Variants in FAM167A observed in about 807,000 individuals in gnomAD.
FAM167A encodes the protein family with sequence similarity 167 member A, also known as protein FAM167A.
In FAM167A, 23 loss-of-function variants were observed where a neutral mutation model predicts 14.9. That is an observed-to-expected ratio of 1.55 (90% CI 1.11 to 2.19). The LOEUF (loss-of-function observed/expected upper bound fraction) is 2.19, where lower values mean the gene tolerates loss of function less well. FAM167A is among the 30% of genes most tolerant of loss of function. The pLI is 0.00. For missense variants in FAM167A, 401 were observed against 281.5 expected (o/e 1.42, Z -3.04); for synonymous variants, 174 against 117.7 (o/e 1.48, Z -3.10).
At chr8:11,435,920 A>G (rs67909842) in intron 2 of FAM167A, among the ~76,000 whole-genome samples, 21,567 of 152,272 alleles carry the variant, frequency 0.14, 2,017 homozygotes, top group Non-Finnish European at 0.21. Context: ...TCCCGTCTTC[A>G]TACACAGAAC....
chr8:11,423,731 G>C lies in FAM167A; in HGVS notation c.*642C>G, dbSNP rs1804928935. Reference sequence around the variant, plus strand: ...GCTAGTGCCCCCATCACATGTCCCAGCACACGCCAGAATTTACAATTTACA... The same window carrying C: ...GCTAGTGCCCCCATCACATGTCCCACCACACGCCAGAATTTACAATTTACA... On this transcript the variant is annotated 3_prime_UTR_variant, in exon 3 of 3. Coordinates refer to ENST00000284486, the MANE Select transcript of FAM167A (RefSeq NM_053279.3). 1 of 153,364 alleles carries C rather than the reference G, an allele frequency of 6.5e-6. No individual in the cohort carries two copies. The highest frequency in any genetic ancestry group is 1.5e-5 in the Non-Finnish European group (1 of 68,954). 9.5% of individuals were successfully genotyped at this position (153,364 alleles called of 1,614,324 possible).
At chr8:11,451,998 T>G (rs4841540) in intron 1 of FAM167A, among the ~76,000 whole-genome samples, 132,189 of 152,160 alleles carry the variant, frequency 0.87, 57,913 homozygotes, top group African/African-American at 0.97. Context: ...ACTCATTTGG[T>G]GAGGAAAATA....
chr8:11,475,664 C>G (rs544652987), intron 1 of FAM167A, among the ~76,000 whole-genome samples: 1 of 152,296 alleles, frequency 6.6e-6, no homozygotes, highest in East Asian at 1.9e-4. Flanking sequence ...ACAAACATAT[C>G]CAGTACCAAT....
intron 2 of FAM167A, among the ~76,000 whole-genome samples, chr8:11,440,306 G>C (rs1189359638): frequency 6.6e-6 from 1 of 152,230 alleles, no homozygotes; most frequent in Non-Finnish European, 1.5e-5. Flanking sequence ...GAGGCTTGGA[G>C]GATCTCCATC....
chr8:11,461,347 C>A (rs143427871), intron 1 of FAM167A, among the ~76,000 whole-genome samples: 1 of 152,386 alleles, frequency 6.6e-6, no homozygotes, highest in Middle Eastern at 3.4e-3. Context: ...TCCCGGGAAA[C>A]GCTCGACAAG....
chr8:11,444,226 C>A lies in FAM167A; in HGVS notation c.186G>T (p.Arg62Ser), dbSNP rs746858234. ...AGCTCGCCTGTGGCTCCGCAGCCGG[C>A]CTCGGGAAGGGCCAGGTATGCTCCT... Reference protein sequence around the residue: ...RLEEHTWPFPRPAAEPQASLE... With the variant: ...RLEEHTWPFPSPAAEPQASLE... Residue 62 changes from arginine (R) to serine (S), a missense_variant, in exon 2 of 3, where the codon AGG (arginine) becomes AGT (serine). Transcript: ENST00000284486. 6.2e-7 allele frequency: 1 copy of A among 1,612,244 alleles called. No individual in the cohort carries two copies. Among genetic ancestry groups the A allele is most frequent in the Non-Finnish European group, 8.5e-7 (1 of 1,179,802 alleles).
At chr8:11,445,340 G>A (rs1806717733) in intron 1 of FAM167A, 9 of 986,092 alleles carry the variant, frequency 9.1e-6, no homozygotes, top group Admixed American at 1.2e-4. Flanking sequence ...CCCACCACAG[G>A]TCCTGTCCTC....
At chr8:11,427,309 G>A (rs1805240354) in intron 2 of FAM167A, among the ~76,000 whole-genome samples, 1 of 152,172 alleles carries the variant, frequency 6.6e-6, no homozygotes, top group African/African-American at 2.4e-5. Flanking sequence ...TTTCTCAGTT[G>A]TGACATGGTA....
At chr8:11,438,314 G>C in intron 2 of FAM167A, 1 of 408,138 alleles carries the variant, frequency 2.5e-6, no homozygotes, top group South Asian at 1.8e-5. Flanking sequence ...GTCAGCTGCA[G>C]CTCCCTGGCC....
intron 1 of FAM167A, among the ~76,000 whole-genome samples, chr8:11,447,364 G>A (rs543523254): frequency 2.0e-5 from 3 of 152,056 alleles, no homozygotes; most frequent in Non-Finnish European, 4.4e-5. Context: ...TGTATTTTTA[G>A]TAGAGACAAG....
chr8:11,439,931 G>A, intron 2 of FAM167A, among the ~76,000 whole-genome samples: 1 of 152,166 alleles, frequency 6.6e-6, no homozygotes, highest in East Asian at 1.9e-4. Context: ...CCGGGCAGAG[G>A]CGTGTGTGAA....
intron 1 of FAM167A, among the ~76,000 whole-genome samples, chr8:11,460,007 C>G (rs754451522): frequency 6.6e-6 from 1 of 152,216 alleles, no homozygotes; most frequent in Non-Finnish European, 1.5e-5. Context: ...CGATTACAGG[C>G]GTGAGCCACC....
Position 11,424,250 on chromosome 8 carries a change from G to GTCGCC in FAM167A, c.*118_*122dup. 1 of 1,331,406 alleles carries GTCGCC rather than the reference G, an allele frequency of 7.5e-7. No homozygotes were observed. Among genetic ancestry groups the GTCGCC allele is most frequent in the South Asian group, 1.4e-5 (1 of 72,242 alleles). 82.5% of individuals were successfully genotyped at this position (1,331,406 alleles called of 1,614,324 possible). On this transcript the variant is annotated 3_prime_UTR_variant, in exon 3 of 3. Transcript: ENST00000284486. ...ACTGAATAGGTCCTGGGGCCCTTGA[G>GTCGCC]TCGCCAGTCCCAGGGACCCCTGCCT...
intron 2 of FAM167A, among the ~76,000 whole-genome samples, chr8:11,427,337 T>C (rs754134194): frequency 1.3e-5 from 2 of 152,248 alleles, no homozygotes; most frequent in Non-Finnish European, 2.9e-5. Flanking sequence ...ACTGGCTTAG[T>C]GCAGAGCGCC....
chr8:11,443,257 GC>G (rs1282262784), intron 2 of FAM167A, among the ~76,000 whole-genome samples: 2 of 152,094 alleles, frequency 1.3e-5, no homozygotes, highest in Admixed American at 6.5e-5. Context: ...ACCCAGCTCT[GC>G]CCCCCCACCC....
chr8:11,458,364 G>T (rs1460828293), intron 1 of FAM167A, among the ~76,000 whole-genome samples: 1 of 152,152 alleles, frequency 6.6e-6, no homozygotes, highest in Non-Finnish European at 1.5e-5. Context: ...GTGCAGCAGT[G>T]CACCTGCTGG....
At position 11,421,974 on chromosome 8, in the gene FAM167A, G is replaced by A; in HGVS notation, c.*2399C>T. ...GCCAGTCAACACTGGACGATGTTTA[G>A]AAAACATCGCTGTCCCCCTCCACTT... On this transcript the variant is annotated 3_prime_UTR_variant, in exon 3 of 3. Coordinates refer to ENST00000284486, the MANE Select transcript of FAM167A (RefSeq NM_053279.3). The A allele has an allele frequency of 2.5e-6, 1 of 397,098 alleles. No individual in the cohort carries two copies. The allele number at this position is 397,098 out of a possible 1,614,324, so 24.6% of individuals were successfully genotyped here.
At chr8:11,454,365 C>A (rs545489068) in intron 1 of FAM167A, among the ~76,000 whole-genome samples, 1 of 152,378 alleles carries the variant, frequency 6.6e-6, no homozygotes, top group Admixed American at 6.5e-5. Context: ...CCTCCGTCAA[C>A]ACCTGTCTGG....
chr8:11,427,475 C>T (rs1242080409), intron 2 of FAM167A, among the ~76,000 whole-genome samples: 1 of 152,202 alleles, frequency 6.6e-6, no homozygotes, highest in Non-Finnish European at 1.5e-5. Flanking sequence ...CTGCGACATG[C>T]TCGGCTGTGC....
Sources: allele counts gnomAD v4.1 joint callset (sites outside exome capture counted in the v4.1 genomes callset), GRCh38; gene constraint gnomAD v4.1.1; transcripts MANE v1.5; gene names NCBI Gene and HGNC (gene_info 2026-07-23, HGNC 2026-07-21).